Variants in EYA4 observed in about 807,000 individuals in gnomAD.
EYA4 encodes the protein EYA transcriptional coactivator and phosphatase 4.
EYA4 carries 31 observed loss-of-function variants against 87.9 expected under a neutral mutation model. That is an observed-to-expected ratio of 0.35 (90% CI 0.27 to 0.48). The LOEUF is 0.48. EYA4 is among the 20% of genes least tolerant of loss of function. The probability of loss-of-function intolerance (pLI) is 0.99; values close to 1 mark genes in which losing one functional copy is unlikely to be tolerated. For missense variants in EYA4, 678 were observed against 761.4 expected (o/e 0.89, Z 1.29); for synonymous variants, 263 against 270.6 (o/e 0.97, Z 0.28).
chr6:133,307,588 T>C (rs1338751614), intron 2 of EYA4, among the ~76,000 whole-genome samples: 1 of 152,174 alleles, frequency 6.6e-6, no homozygotes, highest in Non-Finnish European at 1.5e-5. Context: ...CTGTAAAGTT[T>C]ATGTGAGTGT....
At chr6:133,473,640 T>C (rs755646214) in intron 11 of EYA4, among the ~76,000 whole-genome samples, 2 of 151,932 alleles carry the variant, frequency 1.3e-5, no homozygotes, top group African/African-American at 2.4e-5. Flanking sequence ...TACATTTTAG[T>C]TTTTTCCCCT....
At chr6:133,312,195 G>C (rs1780272877) in intron 2 of EYA4, among the ~76,000 whole-genome samples, 1 of 152,102 alleles carries the variant, frequency 6.6e-6, no homozygotes, top group Non-Finnish European at 1.5e-5. Flanking sequence ...ACTGTGGCTA[G>C]AAGGCAGGAG....
chr6:133,336,268 A>G (rs1045006226), intron 2 of EYA4, among the ~76,000 whole-genome samples: 3 of 152,158 alleles, frequency 2.0e-5, no homozygotes, highest in African/African-American at 7.2e-5. Context: ...AAAAAATGTG[A>G]CTTTACAGTG....
At chr6:133,482,936 A>G in intron 12 of EYA4, 96 bp from the exon 13 acceptor site, 1 of 1,017,158 alleles carries the variant, frequency 9.8e-7, no homozygotes, top group South Asian at 1.4e-5. Flanking sequence ...AAATGATATC[A>G]AGATGATCTC....
intron 3 of EYA4, among the ~76,000 whole-genome samples, chr6:133,385,153 G>T (rs539096684): frequency 1.2e-3 from 181 of 151,822 alleles, no homozygotes; most frequent in African/African-American, 4.1e-3. Flanking sequence ...CAAAAAATTA[G>T]CCAGGCGTGG....
chr6:133,402,743 G>T (rs1319441679), intron 3 of EYA4, among the ~76,000 whole-genome samples: 11 of 148,286 alleles, frequency 7.4e-5, no homozygotes, highest in African/African-American at 2.9e-4. Context: ...CACACACACA[G>T]CCAGGAGAAA....
At chr6:133,362,712 A>C (rs764051735) in intron 2 of EYA4, among the ~76,000 whole-genome samples, 1 of 152,234 alleles carries the variant, frequency 6.6e-6, no homozygotes, top group African/African-American at 2.4e-5. Flanking sequence ...AGAGCATTGC[A>C]TGGAATGAAA....
At chr6:133,393,678 C>T (rs1232244249) in intron 3 of EYA4, among the ~76,000 whole-genome samples, 1 of 152,092 alleles carries the variant, frequency 6.6e-6, no homozygotes, top group South Asian at 2.1e-4. Flanking sequence ...CTAGTCTTTT[C>T]CACATTTTGG....
rs1440098562 is a variant in EYA4 at position 133,252,985 on chromosome 6, ACACACT to A, written c.-66+11240_-66+11245del. ...CACACACACACACACACACACACAC[ACACACT>A]CACTCTCTCTCTCTCACTTCCTTTG... On this transcript the variant is annotated intron_variant, in intron 1 of 19. Transcript: ENST00000355286. Among the ~76,000 whole-genome samples, 14 of 122,772 alleles carry A rather than the reference ACACACT, an allele frequency of 1.1e-4. No individual in the cohort carries two copies. In the East Asian group the frequency reaches 2.0e-3, roughly 18 times the overall value. 80.5% of individuals were successfully genotyped at this position (122,772 alleles called of 152,430 possible).
intron 13 of EYA4, among the ~76,000 whole-genome samples, chr6:133,505,658 C>T (rs1189036237): frequency 6.6e-6 from 1 of 152,146 alleles, no homozygotes; most frequent in Non-Finnish European, 1.5e-5. Context: ...TATAAATACC[C>T]AGTTGACCTA....
chr6:133,524,567 A>C (rs1800464999), intron 18 of EYA4, among the ~76,000 whole-genome samples: 2 of 152,204 alleles, frequency 1.3e-5, no homozygotes, highest in Admixed American at 6.5e-5. Context: ...GCTAACTCTC[A>C]CCCACTTGAA....
At chr6:133,291,983 A>G (rs1356536772) in intron 2 of EYA4, among the ~76,000 whole-genome samples, 1 of 151,972 alleles carries the variant, frequency 6.6e-6, no homozygotes, top group Non-Finnish European at 1.5e-5. Context: ...TTAGATTTTG[A>G]AAGTCCTTCA....
intron 2 of EYA4, 87 bp from the exon 3 acceptor site, chr6:133,382,305 C>A: frequency 1.1e-6 from 1 of 919,872 alleles, no homozygotes; most frequent in Non-Finnish European, 1.8e-6. Context: ...ACTTGGTGAA[C>A]AGAGCTATAT....
intron 2 of EYA4, among the ~76,000 whole-genome samples, chr6:133,318,669 T>G (rs1446407015): frequency 6.6e-6 from 1 of 151,854 alleles, no homozygotes; most frequent in Non-Finnish European, 1.5e-5. Flanking sequence ...TTTAGTTCCT[T>G]CGGCAGCTTT....
intron 13 of EYA4, among the ~76,000 whole-genome samples, chr6:133,485,081 T>C (rs1796572582): frequency 6.6e-6 from 1 of 152,214 alleles, no homozygotes; most frequent in African/African-American, 2.4e-5. Context: ...CTCAATTTAC[T>C]CATAAACTGG....
chr6:133,529,171 T>C lies in EYA4; in HGVS notation c.*366T>C. 8.5e-7 allele frequency: 1 copy of C among 1,174,430 alleles called. No individual in the cohort carries two copies. Among genetic ancestry groups the C allele is most frequent in the Non-Finnish European group, 1.1e-6 (1 of 937,980 alleles). 72.8% of individuals were successfully genotyped at this position (1,174,430 alleles called of 1,614,324 possible). A position where few individuals can be genotyped will look rare whatever the true frequency, so the allele number is the denominator to read the frequency against. On this transcript the variant is annotated 3_prime_UTR_variant, in exon 20 of 20. Transcript: ENST00000355286. The stretch of plus-strand genomic sequence containing the variant: ...AGGTGGTCAACAACATTCCTCAAAA[T>C]GGGAGATCTTCTCAGCCCTGAGGTT...
intron 1 of EYA4, among the ~76,000 whole-genome samples, chr6:133,257,589 A>G (rs1339445254): frequency 6.6e-6 from 1 of 152,192 alleles, no homozygotes; most frequent in Admixed American, 6.5e-5. Context: ...AGGGAAGCTA[A>G]AAAACGTTTT....
At chr6:133,373,682 A>G (rs57277548) in intron 2 of EYA4, among the ~76,000 whole-genome samples, 1 of 152,050 alleles carries the variant, frequency 6.6e-6, no homozygotes, top group African/African-American at 2.4e-5. Context: ...CTTTCTTGTG[A>G]CACCCAGGAC....
chr6:133,294,023 T>TTATATATATATATATATA lies in EYA4; in HGVS notation c.33+19233_33+19250dup, dbSNP rs71771244. Among the ~76,000 whole-genome samples the TTATATATATATATATATA allele has an allele frequency of 3.0e-3, 234 of 78,618 alleles. 5 individuals are homozygous for TTATATATATATATATATA. Among genetic ancestry groups the TTATATATATATATATATA allele is most frequent in the East Asian group, 6.0e-3 (18 of 3,008 alleles). 51.6% of individuals were successfully genotyped at this position (78,618 alleles called of 152,430 possible). A position where few individuals can be genotyped will look rare whatever the true frequency, so the allele number is the denominator to read the frequency against. ...AATTCCTGTGCTCCCTAGGGTGATT[T>TTATATATATATATATATA]TATATATATATATATATATATATAT... is the stretch of plus-strand genomic sequence containing the variant. On this transcript the variant is annotated intron_variant, in intron 2 of 19. Coordinates refer to ENST00000355286, the MANE Select transcript of EYA4 (RefSeq NM_004100.5).
Sources: gnomAD v4.1 joint callset for allele counts (sites outside exome capture counted in the v4.1 genomes callset) on GRCh38, gnomAD v4.1.1 for gene constraint, MANE v1.5 for transcripts, NCBI Gene and HGNC (gene_info 2026-07-23, HGNC 2026-07-21) for gene names.